RGS12: variants seen among roughly 807,000 people sequenced by gnomAD.
RGS12 encodes regulator of G-protein signaling 12.
Under a neutral mutation model 120.1 loss-of-function variants are expected in RGS12, and 66 were observed. The observed-to-expected ratio is 0.55, with a 90% confidence interval of 0.45 to 0.67. The LOEUF (loss-of-function observed/expected upper bound fraction) is 0.67. Among genes scored for constraint, RGS12 ranks in the 30% least tolerant of loss-of-function variants. The probability of loss-of-function intolerance (pLI) is 0.00; values close to 1 mark genes in which losing one functional copy is unlikely to be tolerated. For synonymous variants in RGS12, 827 were observed against 804.7 expected, an observed-to-expected ratio of 1.03 and a Z score of -0.47; for missense variants, 1,859 against 1,957.7, an observed-to-expected ratio of 0.95 and a Z score of 0.95.
intron 2 of RGS12, among the ~76,000 whole-genome samples, chr4:3,341,094 G>T (rs1195848160): frequency 6.6e-6 from 1 of 150,682 alleles, no homozygotes; most frequent in Non-Finnish European, 1.5e-5. Context: ...GTTCCCGGCA[G>T]CCACAGCCCC....
At chr4:3,323,418 C>T (rs1322610877) in intron 2 of RGS12, among the ~76,000 whole-genome samples, 1 of 152,232 alleles carries the variant, frequency 6.6e-6, no homozygotes, top group Admixed American at 6.5e-5. Flanking sequence ...GTTCAGAGTT[C>T]GCTTCCTTTC....
intron 17 of RGS12, among the ~76,000 whole-genome samples, chr4:3,437,809 T>C (rs1724953002): frequency 6.6e-6 from 1 of 152,194 alleles, no homozygotes; most frequent in Non-Finnish European, 1.5e-5. Flanking sequence ...TGAGGGCCTC[T>C]GGGGCCACTG....
At chr4:3,413,933 G>A in intron 4 of RGS12, 139 bp from the exon 5 acceptor site, 4 of 819,644 alleles carry the variant, frequency 4.9e-6, no homozygotes, top group Non-Finnish European at 7.5e-6. Context: ...TAGGTGTGCT[G>A]TGCATAGTTG....
chr4:3,338,803 CT>C (rs1249437719), intron 2 of RGS12, among the ~76,000 whole-genome samples: 1 of 152,182 alleles, frequency 6.6e-6, no homozygotes, highest in Non-Finnish European at 1.5e-5. Flanking sequence ...ACCAAGTGGT[CT>C]TTTAGGCCAT....
rs1719388990 is a variant in RGS12 at position 3,390,620 on chromosome 4, CCAA to C, written c.2020+4186_2020+4188del. On this transcript the variant is annotated intron_variant, in intron 4 of 17. Coordinates refer to ENST00000336727, the MANE Select transcript of RGS12 (RefSeq NM_001394154.1). The surrounding 1 kb of genome is among the most constrained non-coding windows in gnomAD (Gnocchi z 4.6). ...TGCCAGGCTCTTCCAGTGCCTTCAC[CCAA>C]CACGCGGGCCTTTGGAGCTCAGACC... is the stretch of plus-strand genomic sequence containing the variant. 6.6e-6 allele frequency among the ~76,000 whole-genome samples: 1 copy of C among 152,328 alleles called. No homozygotes were observed. Among genetic ancestry groups the C allele is most frequent in the South Asian group, 2.1e-4 (1 of 4,828 alleles).
chr4:3,432,122 C>A, intron 17 of RGS12: 4 of 985,508 alleles, frequency 4.1e-6, no homozygotes, highest in Non-Finnish European at 4.8e-6. Context: ...GTGGCTCTCA[C>A]CTGCGTTTTG....
intron 17 of RGS12, among the ~76,000 whole-genome samples, chr4:3,436,058 C>G (rs2074638037): frequency 6.6e-6 from 1 of 152,212 alleles, no homozygotes; most frequent in Admixed American, 6.5e-5. Flanking sequence ...TTGAGGAGCT[C>G]TATCCCAGCC....
chr4:3,381,498 C>T (rs1244648453), intron 3 of RGS12, among the ~76,000 whole-genome samples: 2 of 152,168 alleles, frequency 1.3e-5, no homozygotes, highest in African/African-American at 4.8e-5. Flanking sequence ...CTCACAGTTC[C>T]ACATGGCTAG....
Position 3,434,895 on chromosome 4 carries a change from G to C in RGS12, c.4114+3940G>C, listed in dbSNP as rs928935503. 8.5e-5 allele frequency among the ~76,000 whole-genome samples: 13 copies of C among 152,196 alleles called. 1 individual carries two copies. Among genetic ancestry groups the C allele is most frequent in the Admixed American group, 6.5e-5 (1 of 15,288 alleles). On this transcript the variant is annotated intron_variant, in intron 17 of 17. Coordinates refer to ENST00000336727, the MANE Select transcript of RGS12 (RefSeq NM_001394154.1). ...CCTGGCTGGGGGCTGGAGGCCAGTG[G>C]CTCCTCCCAGCCCCTTTGGTAAGGC...
At chr4:3,383,227 C>T (rs970510231) in intron 3 of RGS12, among the ~76,000 whole-genome samples, 2 of 152,124 alleles carry the variant, frequency 1.3e-5, no homozygotes, top group African/African-American at 4.8e-5. Context: ...GTGGCATTGG[C>T]ATTTTCTAAC....
chr4:3,406,903 C>T (rs1359844933), intron 4 of RGS12, among the ~76,000 whole-genome samples: 1 of 152,226 alleles, frequency 6.6e-6, no homozygotes, highest in East Asian at 1.9e-4. Flanking sequence ...TTATGGTTCA[C>T]AGGTGGTCCA....
rs1040702795 is a variant in RGS12, at chr4:3,362,441, TGTGTGTGTGAGGGTGCGAGG to T, written c.1998+19404_1998+19423del. Among the ~76,000 whole-genome samples the T allele has an allele frequency of 3.5e-5, 5 of 142,600 alleles. 1 individual carries two copies. Among genetic ancestry groups the T allele is most frequent in the Non-Finnish European group, 7.7e-5 (5 of 65,122 alleles). The allele number at this position is 142,600 out of a possible 152,430, so 93.6% of individuals were successfully genotyped here. On this transcript the variant is annotated intron_variant, in intron 3 of 17. Transcript: ENST00000336727. The stretch of plus-strand genomic sequence containing the variant: ...TGTGAGGGTATGTGTTGTGCAAGGG[TGTGTGTGTGAGGGTGCGAGG>T]GTGTGTGTGAGGGTGTGTGTATGTG...
chr4:3,376,783 G>A (rs1717745696), intron 3 of RGS12, among the ~76,000 whole-genome samples: 1 of 152,062 alleles, frequency 6.6e-6, no homozygotes, highest in African/African-American at 2.4e-5. Context: ...TGGGAGTGCA[G>A]TGAGCCACTA....
chr4:3,409,437 A>T (rs1289595095), intron 4 of RGS12, among the ~76,000 whole-genome samples: 1 of 152,254 alleles, frequency 6.6e-6, no homozygotes, highest in Non-Finnish European at 1.5e-5. Flanking sequence ...ACTTTTGAAC[A>T]TGATGTTAGT....
chr4:3,336,597 G>A (rs1712492490), intron 2 of RGS12, among the ~76,000 whole-genome samples: 1 of 152,260 alleles, frequency 6.6e-6, no homozygotes, highest in Non-Finnish European at 1.5e-5. Flanking sequence ...TGGGGGTGTA[G>A]TCGTGACCAG....
intron 3 of RGS12, among the ~76,000 whole-genome samples, chr4:3,364,163 C>T (rs1462003212): frequency 6.6e-6 from 1 of 152,226 alleles, no homozygotes; most frequent in Non-Finnish European, 1.5e-5. Flanking sequence ...GTAAGGGTTG[C>T]TGTATAAGCC....
At chr4:3,296,841 A>G (rs959140635) in intron 1 of RGS12, among the ~76,000 whole-genome samples, 1 of 152,132 alleles carries the variant, frequency 6.6e-6, no homozygotes, top group African/African-American at 2.4e-5. Context: ...CTTGCTCAGG[A>G]TGCAAGCCCC....
At chr4:3,434,377 G>A (rs1045074202) in intron 17 of RGS12, among the ~76,000 whole-genome samples, 5 of 152,168 alleles carry the variant, frequency 3.3e-5, no homozygotes, top group African/African-American at 7.2e-5. Context: ...GTGGGGACAC[G>A]GAGCCAAACC....
At chr4:3,423,722 G>A (rs1723290291) in intron 13 of RGS12, 81 bp downstream of exon 13, 1 of 1,522,194 alleles carries the variant, frequency 6.6e-7, no homozygotes, top group African/African-American at 1.4e-5. Context: ...GTTCACTGAA[G>A]AGGGCACACC....
Sources: gnomAD v4.1 joint callset for allele counts (sites outside exome capture counted in the v4.1 genomes callset) on GRCh38, gnomAD v4.1.1 for gene constraint, Gnocchi (gnomAD v3.1) non-coding constraint, MANE v1.5 for transcripts, NCBI Gene and HGNC (gene_info 2026-07-23, HGNC 2026-07-21) for gene names.